The following ADAMTSL1 variants were observed in gnomAD, a reference collection of about 807,000 sequenced individuals.
ADAMTSL1 encodes ADAMTS like 1.
ADAMTSL1 carries 126 observed loss-of-function variants against 201.8 expected under a neutral mutation model. That is an observed-to-expected ratio of 0.62 (90% CI 0.54 to 0.72). The LOEUF (loss-of-function observed/expected upper bound fraction) is 0.72, where lower values mean the gene tolerates loss of function less well. Ranked by LOEUF, ADAMTSL1 falls within the 30% of genes least tolerant of loss-of-function variation. The probability of loss-of-function intolerance (pLI) is 0.00; values close to 1 mark genes in which losing one functional copy is unlikely to be tolerated. For synonymous variants in ADAMTSL1, 1,121 were observed against 903.4 expected (o/e 1.24, Z -4.32); for missense variants, 2,679 against 2,277.8 (o/e 1.18, Z -3.59).
intron 2 of ADAMTSL1, among the ~76,000 whole-genome samples, chr9:18,303,124 C>A (rs1345286805): frequency 6.6e-6 from 1 of 152,032 alleles, no homozygotes; most frequent in Admixed American, 6.5e-5. Flanking sequence ...TTAGTAGGTA[C>A]TTATTTAAAG....
At chr9:18,886,813 C>T (rs1258905012) in intron 23 of ADAMTSL1, among the ~76,000 whole-genome samples, 1 of 152,218 alleles carries the variant, frequency 6.6e-6, no homozygotes, top group Non-Finnish European at 1.5e-5. Context: ...GGGGTATACA[C>T]AAACCCTCAG....
At chr9:18,180,058 C>G (rs930947828) in intron 2 of ADAMTSL1, among the ~76,000 whole-genome samples, 1 of 152,128 alleles carries the variant, frequency 6.6e-6, no homozygotes, top group African/African-American at 2.4e-5. Flanking sequence ...ACTAAATGCT[C>G]CAATTAAAAG....
intron 14 of ADAMTSL1, among the ~76,000 whole-genome samples, chr9:18,712,470 G>C (rs4048329): frequency 0.53 from 79,704 of 150,904 alleles, 21,203 homozygotes; most frequent in South Asian, 0.64. Context: ...CTCAGGAGCC[G>C]ATGCGATCAA....
intron 1 of ADAMTSL1, among the ~76,000 whole-genome samples, chr9:18,109,514 C>G (rs1824909541): frequency 6.6e-6 from 1 of 152,170 alleles, no homozygotes; most frequent in South Asian, 2.1e-4. Context: ...CTCACATATT[C>G]CCTCTTTCCT....
chr9:18,093,329 C>T (rs942362234), intron 1 of ADAMTSL1, among the ~76,000 whole-genome samples: 9 of 152,128 alleles, frequency 5.9e-5, no homozygotes, highest in Non-Finnish European at 1.2e-4. Context: ...TCAGTTAGCT[C>T]TTTGGCTAGT....
rs1366222151 is a variant in ADAMTSL1 at position 18,177,304 on chromosome 9, G to T, written c.207+13323G>T. The stretch of plus-strand genomic sequence containing the variant: ...GTGTTGTGTGCTGGACACCAATCTG[G>T]TATAATTGTTATTAATAGTAGAAGA... On this transcript the variant is annotated intron_variant, in intron 2 of 29. Coordinates refer to the ADAMTSL1 transcript ENST00000680146. Among the ~76,000 whole-genome samples, 5 of 152,204 alleles carry T rather than the reference G, an allele frequency of 3.3e-5. No homozygotes were observed. The South Asian group carries it at 1.0e-3, about 32-fold the overall frequency.
At chr9:18,678,821 C>T (rs1229879965) in intron 10 of ADAMTSL1, among the ~76,000 whole-genome samples, 1 of 152,122 alleles carries the variant, frequency 6.6e-6, no homozygotes, top group Admixed American at 6.5e-5. Context: ...GAAGGAAGCC[C>T]TCCAGAGATT....
intron 9 of ADAMTSL1, among the ~76,000 whole-genome samples, chr9:18,667,400 C>G (rs114455464): frequency 6.6e-6 from 1 of 152,220 alleles, no homozygotes; most frequent in African/African-American, 2.4e-5. Flanking sequence ...TGGTGACCAA[C>G]TAGTCAATGG....
chr9:18,516,232 G>C (rs1273406529), intron 2 of ADAMTSL1, among the ~76,000 whole-genome samples: 1 of 152,142 alleles, frequency 6.6e-6, no homozygotes, highest in Admixed American at 6.5e-5. Flanking sequence ...CACTGAGAAA[G>C]AGAGAGAAAG....
At chr9:18,164,153 A>C (rs953618731) in intron 2 of ADAMTSL1, among the ~76,000 whole-genome samples, 1 of 151,972 alleles carries the variant, frequency 6.6e-6, no homozygotes, top group Admixed American at 6.6e-5. Context: ...GTATAGGGCA[A>C]CTTTCTGACT....
intron 2 of ADAMTSL1, among the ~76,000 whole-genome samples, chr9:18,303,469 G>A (rs1038852176): frequency 5.3e-5 from 8 of 152,138 alleles, no homozygotes. Context: ...GGCAGCACAG[G>A]CAGTGATGGT....
Position 17,925,084 on chromosome 9 carries a change from GC to G in ADAMTSL1, c.87+18164del, listed in dbSNP as rs1410560133. ...CTTCTCAAAAGAAGACATTTATGCA[GC>G]CAAAAAACACATGAAAAAATGCTCA... On this transcript the variant is annotated intron_variant, in intron 1 of 29. Coordinates refer to the ADAMTSL1 transcript ENST00000680146. 1.8e-4 allele frequency among the ~76,000 whole-genome samples: 14 copies of G among 75,878 alleles called. 1 individual carries two copies. Among genetic ancestry groups the G allele is most frequent in the African/African-American group, 5.8e-4 (14 of 24,120 alleles). The allele number at this position is 75,878 out of a possible 152,430, so 49.8% of individuals were successfully genotyped here. A position where few individuals can be genotyped will look rare whatever the true frequency, so the allele number is the denominator to read the frequency against.
At chr9:17,940,336 G>C (rs1827187347) in intron 1 of ADAMTSL1, among the ~76,000 whole-genome samples, 1 of 151,964 alleles carries the variant, frequency 6.6e-6, no homozygotes. Context: ...GATAATGAGG[G>C]CTTGAAGTAG....
chr9:18,404,228 G>T (rs139055582), intron 2 of ADAMTSL1, among the ~76,000 whole-genome samples: 12 of 152,054 alleles, frequency 7.9e-5, no homozygotes, highest in African/African-American at 2.7e-4. Context: ...TTATTTTATA[G>T]AAACATTTTT....
intron 1 of ADAMTSL1, among the ~76,000 whole-genome samples, chr9:18,162,834 C>A (rs1827454945): frequency 6.6e-6 from 1 of 151,932 alleles, no homozygotes; most frequent in African/African-American, 2.4e-5. Flanking sequence ...TAAAGAATTT[C>A]ATGTGCTAGA....
At chr9:18,762,157 T>C (rs2133668158) in intron 16 of ADAMTSL1, among the ~76,000 whole-genome samples, 1 of 152,298 alleles carries the variant, frequency 6.6e-6, no homozygotes, top group East Asian at 1.9e-4. Flanking sequence ...TAAAGATGAA[T>C]GAATTCCCTT....
chr9:18,118,674 T>G (rs2131908651), intron 1 of ADAMTSL1, among the ~76,000 whole-genome samples: 1 of 152,268 alleles, frequency 6.6e-6, no homozygotes, highest in South Asian at 2.1e-4. Flanking sequence ...TGGGACAATT[T>G]TATCCTTCTA....
intron 2 of ADAMTSL1, among the ~76,000 whole-genome samples, chr9:18,192,000 C>T (rs746450545): frequency 5.3e-5 from 8 of 152,098 alleles, no homozygotes; most frequent in East Asian, 3.8e-4. Context: ...TAATGAAATA[C>T]ACTGGGTATG....
In ADAMTSL1 at chr9:18,334,779, A is replaced by G. The variant is rs145109505; in HGVS notation, c.208-170050A>G. Among the ~76,000 whole-genome samples the G allele has an allele frequency of 6.6e-5, 10 of 152,298 alleles. No homozygotes were observed. In the East Asian group the frequency reaches 1.7e-3, roughly 26 times the overall value. On this transcript the variant is annotated intron_variant, in intron 2 of 29. Transcript: ENST00000680146. Reference sequence around the variant, plus strand: ...AGAATAAAGACTTCTCTCTTCTTTTATTTAAAGCTACCACTTCCATTATAA... The same window carrying G: ...AGAATAAAGACTTCTCTCTTCTTTTGTTTAAAGCTACCACTTCCATTATAA...
Sources: gnomAD v4.1 joint callset for allele counts (sites outside exome capture counted in the v4.1 genomes callset) on GRCh38, gnomAD v4.1.1 for gene constraint, MANE v1.5 for transcripts, NCBI Gene and HGNC (gene_info 2026-07-23, HGNC 2026-07-21) for gene names.